The following LRRFIP1 variants were observed in gnomAD, a reference collection of about 807,000 sequenced individuals.
The protein encoded by LRRFIP1 is leucine-rich repeat flightless-interacting protein 1.
A neutral mutation model predicts 104.4 loss-of-function variants in LRRFIP1; 62 were observed. That is an observed-to-expected ratio of 0.59 (90% CI 0.48 to 0.73). The LOEUF is 0.73. Ranked by LOEUF, LRRFIP1 falls within the 30% of genes least tolerant of loss-of-function variation. The pLI is 0.00. For missense variants in LRRFIP1, 796 were observed against 824.5 expected (o/e 0.97, Z 0.42); for synonymous variants, 300 against 299.0 (o/e 1.00, Z -0.03).
rs147121136 is a variant in LRRFIP1 at position 237,692,233 on chromosome 2, C to T, written c.97-16311C>T. Reference sequence around the variant, plus strand: ...CTTCCACCCCGAGCCCGACTCAGCCCGCGGCCACCTGCGCCCCGCCCCTGT... The same window carrying T: ...CTTCCACCCCGAGCCCGACTCAGCCTGCGGCCACCTGCGCCCCGCCCCTGT... On this transcript the variant is annotated intron_variant, in intron 1 of 23. Transcript: ENST00000308482. The T allele has an allele frequency of 9.7e-3, 10,763 of 1,110,604 alleles. 804 individuals are homozygous for T. The African/African-American group carries it at 0.16, about 17-fold the overall frequency. 68.8% of individuals were successfully genotyped at this position (1,110,604 alleles called of 1,614,324 possible).
Position 237,766,042 on chromosome 2 carries a change from C to A in LRRFIP1, c.1460-3901C>A. The A allele has an allele frequency of 2.6e-6, 1 of 387,916 alleles. No homozygotes were observed. Among genetic ancestry groups the A allele is most frequent in the Non-Finnish European group, 3.5e-6 (1 of 283,972 alleles). 24.0% of individuals were successfully genotyped at this position (387,916 alleles called of 1,614,324 possible). On this transcript the variant is annotated intron_variant, in intron 19 of 23. Coordinates refer to ENST00000308482, the MANE Select transcript of LRRFIP1 (RefSeq NM_001137550.2). This position sits in a 1 kb window ranked among gnomAD's most constrained non-coding sequence, Gnocchi z 4.8. ...ATTGGGGTTCCGTGGAAGACCCACG[C>A]CTGATGCCCTCCCTCAGTAAGGAAT...
At chr2:237,728,298 A>G (rs1032512009) in intron 8 of LRRFIP1, among the ~76,000 whole-genome samples, 4 of 152,238 alleles carry the variant, frequency 2.6e-5, no homozygotes, top group African/African-American at 9.6e-5. Flanking sequence ...ACTAAATCCA[A>G]CATTTTCGCA....
rs9928 is a variant in LRRFIP1 at position 237,765,700 on chromosome 2, A to T, written c.1460-4243A>T. 1.9e-4 allele frequency: 174 copies of T among 938,338 alleles called. 2 individuals are homozygous for T. The highest frequency in any genetic ancestry group is 7.0e-4 in the East Asian group (6 of 8,618). 58.1% of individuals were successfully genotyped at this position (938,338 alleles called of 1,614,324 possible). ...AAATATCTGTTTTCTATATAAAAAA[A>T]TTTTTTAAAATAATTGTAAAGTTAG... On this transcript the variant is annotated intron_variant, in intron 19 of 23. Transcript: ENST00000308482.
chr2:237,662,257 A>G (rs897763550), intron 1 of LRRFIP1, among the ~76,000 whole-genome samples: 2 of 152,062 alleles, frequency 1.3e-5, no homozygotes, highest in Non-Finnish European at 2.9e-5. Context: ...TCCTTATAAG[A>G]AAGTCATTGA....
intron 1 of LRRFIP1, among the ~76,000 whole-genome samples, chr2:237,700,901 C>T (rs1056377041): frequency 2.6e-5 from 4 of 152,200 alleles, no homozygotes; most frequent in Admixed American, 1.3e-4. Flanking sequence ...GAGTATTTCT[C>T]AGGAACTGCC....
chr2:237,769,915 T>G (rs2060478951), intron 19 of LRRFIP1, 28 bp from the exon 20 acceptor site: 1 of 1,574,162 alleles, frequency 6.4e-7, no homozygotes, highest in South Asian at 1.2e-5. Flanking sequence ...CGGATTCACC[T>G]AAACCTGTGT....
intron 23 of LRRFIP1, among the ~76,000 whole-genome samples, chr2:237,778,264 G>A (rs979350350): frequency 1.3e-5 from 2 of 152,186 alleles, no homozygotes; most frequent in Non-Finnish European, 2.9e-5. Context: ...AGGTGGGGTC[G>A]GGACTTCTGT....
At chr2:237,714,048 A>G (rs942235846) in intron 2 of LRRFIP1, among the ~76,000 whole-genome samples, 4 of 152,174 alleles carry the variant, frequency 2.6e-5, no homozygotes, top group Admixed American at 1.3e-4. Context: ...CTATGCCCCT[A>G]TTTCCCCAAT....
At chr2:237,681,780 C>T (rs1013175212) in intron 1 of LRRFIP1, among the ~76,000 whole-genome samples, 26 of 140,824 alleles carry the variant, frequency 1.8e-4, no homozygotes, top group African/African-American at 5.5e-4. Flanking sequence ...CCCGGGTTCA[C>T]GCCATTCTCC....
intron 4 of LRRFIP1, among the ~76,000 whole-genome samples, chr2:237,718,069 A>G (rs1367216940): frequency 6.6e-6 from 1 of 152,210 alleles, no homozygotes; most frequent in Non-Finnish European, 1.5e-5. Context: ...TCTCCTGGCC[A>G]GCAGTTTGGG....
intron 1 of LRRFIP1, among the ~76,000 whole-genome samples, chr2:237,633,294 G>A (rs112396548): frequency 2.0e-5 from 3 of 152,226 alleles, no homozygotes; most frequent in South Asian, 2.1e-4. Flanking sequence ...GTTGGAGGGC[G>A]TGAACAATGT....
chr2:237,632,126 C>G (rs546813002), intron 1 of LRRFIP1, among the ~76,000 whole-genome samples: 4 of 151,466 alleles, frequency 2.6e-5, no homozygotes, highest in Admixed American at 2.6e-4. Flanking sequence ...GAGAAGGGGT[C>G]GCACTGCCCC....
At chr2:237,751,407 C>A in intron 14 of LRRFIP1, 136 bp downstream of exon 14, 2 of 682,316 alleles carry the variant, frequency 2.9e-6, no homozygotes, top group Non-Finnish European at 4.9e-6. Flanking sequence ...CTCACAATGG[C>A]AGGAGTGCCG....
intron 11 of LRRFIP1, 94 bp from the exon 12 acceptor site, chr2:237,748,270 T>G: frequency 1.1e-6 from 1 of 938,488 alleles, no homozygotes; most frequent in East Asian, 2.4e-5. Context: ...AGCAAATGTT[T>G]TGTTTTGTTT....
Position 237,691,687 on chromosome 2 carries a change from T to G in LRRFIP1, c.97-16857T>G, listed in dbSNP as rs1179631210. ...ATACCCTCGCCCAGCCCCGGGCAGG[T>G]CCCCCCCCGGAGGGGACCCCCTCTT... On this transcript the variant is annotated intron_variant, in intron 1 of 23. Coordinates refer to ENST00000308482, the MANE Select transcript of LRRFIP1 (RefSeq NM_001137550.2). This position sits in a 1 kb window ranked among gnomAD's most constrained non-coding sequence, Gnocchi z 5.4. Among the ~76,000 whole-genome samples, 1 of 149,244 alleles carries G rather than the reference T, an allele frequency of 6.7e-6. No individual in the cohort carries two copies. Among genetic ancestry groups the G allele is most frequent in the African/African-American group, 2.5e-5 (1 of 40,302 alleles).
intron 19 of LRRFIP1, chr2:237,765,359 C>A: frequency 2.1e-6 from 1 of 475,922 alleles, no homozygotes; most frequent in Non-Finnish European, 2.7e-6. Context: ...TTGCTTGAGG[C>A]CAGGAGTTCA....
chr2:237,714,642 A>G (rs2094250696), intron 3 of LRRFIP1, among the ~76,000 whole-genome samples: 1 of 152,270 alleles, frequency 6.6e-6, no homozygotes, highest in Non-Finnish European at 1.5e-5. Context: ...TAGAAAACTT[A>G]AAAAATTCCA....
intron 1 of LRRFIP1, among the ~76,000 whole-genome samples, chr2:237,699,514 G>A (rs1233510137): frequency 6.6e-6 from 1 of 151,860 alleles, no homozygotes; most frequent in Admixed American, 6.6e-5. Context: ...CACCATGCCC[G>A]GCTAATTTTG....
intron 15 of LRRFIP1, 71 bp downstream of exon 15, chr2:237,753,550 C>T: frequency 1.5e-6 from 2 of 1,321,714 alleles, no homozygotes; most frequent in Non-Finnish European, 1.0e-6. Flanking sequence ...AATTCTGGTA[C>T]TTTGGGAGGC....
Sources: gnomAD v4.1 joint callset for allele counts (sites outside exome capture counted in the v4.1 genomes callset) on GRCh38, gnomAD v4.1.1 for gene constraint, Gnocchi (gnomAD v3.1) non-coding constraint, MANE v1.5 for transcripts, NCBI Gene and HGNC (gene_info 2026-07-23, HGNC 2026-07-21) for gene names.